Variants in GRB10 observed in about 807,000 individuals in gnomAD.
The protein encoded by GRB10 is growth factor receptor bound protein 10.
Under a neutral mutation model 80.9 loss-of-function variants are expected in GRB10, and 20 were observed. The observed-to-expected ratio is 0.25, with a 90% CI of 0.17 to 0.36. The LOEUF (loss-of-function observed/expected upper bound fraction) is 0.36. Among genes scored for constraint, GRB10 ranks in the 10% least tolerant of loss-of-function variants. GRB10 has a pLI of 1.00. For missense variants in GRB10, 548 were observed against 747.7 expected, an observed-to-expected ratio of 0.73 and a Z score of 3.12; for synonymous variants, 291 against 291.5, an observed-to-expected ratio of 1.00 and a Z score of 0.02.
intron 4 of GRB10, among the ~76,000 whole-genome samples, chr7:50,729,563 C>T (rs2069266776): frequency 6.6e-6 from 1 of 152,120 alleles, no homozygotes; most frequent in South Asian, 2.1e-4. Flanking sequence ...GTGCAGGGCC[C>T]AGAGGGAGCT....
chr7:50,632,717 G>C (rs553513967), intron 7 of GRB10, among the ~76,000 whole-genome samples: 4 of 152,148 alleles, frequency 2.6e-5, no homozygotes, highest in Non-Finnish European at 4.4e-5. Context: ...AGAACCACAG[G>C]GTTGGGGGAG....
chr7:50,651,723 T>C (rs1417258075), intron 7 of GRB10, among the ~76,000 whole-genome samples: 1 of 152,230 alleles, frequency 6.6e-6, no homozygotes, highest in African/African-American at 2.4e-5. Context: ...TTTTACAAGA[T>C]TCTAACCTTG....
chr7:50,765,941 A>G (rs1172278639), intron 2 of GRB10, among the ~76,000 whole-genome samples: 1 of 152,230 alleles, frequency 6.6e-6, no homozygotes, highest in Non-Finnish European at 1.5e-5. Context: ...ATGTACCTTG[A>G]AACTATGTTT....
At chr7:50,622,255 A>G (rs2299150) in intron 8 of GRB10, among the ~76,000 whole-genome samples, 36,857 of 152,148 alleles carry the variant, frequency 0.24, 4,852 homozygotes, top group East Asian at 0.34. Context: ...TGCTTTTCAC[A>G]TACAAAAGGG....
At chr7:50,741,551 TAAAAAA>T (rs752078809) in intron 3 of GRB10, among the ~76,000 whole-genome samples, 4 of 116,930 alleles carry the variant, frequency 3.4e-5, no homozygotes, top group African/African-American at 1.4e-4. Flanking sequence ...AACATGTGTT[TAAAAAA>T]AAAAAAAAAA....
chr7:50,687,144 G>A (rs931544793), intron 5 of GRB10, among the ~76,000 whole-genome samples: 2 of 152,186 alleles, frequency 1.3e-5, no homozygotes, highest in East Asian at 1.9e-4. Flanking sequence ...CTCTCTGGAG[G>A]CTGCTGTATC....
intron 4 of GRB10, among the ~76,000 whole-genome samples, chr7:50,729,731 G>A (rs1167801119): frequency 3.0e-5 from 4 of 135,280 alleles, no homozygotes; most frequent in South Asian, 2.5e-4. Context: ...AGCCCCCCCC[G>A]AAGACCAAGG....
In GRB10 at chr7:50,614,773, T is replaced by C. The variant is rs1346454553; in HGVS notation, c.1092A>G (p.Ile364Met). 6.2e-7 allele frequency: 1 copy of C among 1,609,192 alleles called. No homozygotes were observed. The highest frequency in any genetic ancestry group is 1.3e-5 in the African/African-American group (1 of 74,818). Residue 364 changes from isoleucine (I) to methionine (M), a missense_variant, in exon 12 of 19, where the codon ATA (isoleucine) becomes ATG (methionine). Around this residue, in one of 4 missense-constraint regions of GRB10, gnomAD observed 270 missense variants for 433.6 expected, o/e 0.62. Coordinates refer to ENST00000401949, the MANE Select transcript of GRB10 (RefSeq NM_001350814.2). Reference sequence around the variant, plus strand: ...TCTGTGGACAGCTCGTGGGTACCTTTATGCAGAGCCCGTGGTCTGTAGGGG... The same window carrying C: ...TCTGTGGACAGCTCGTGGGTACCTTCATGCAGAGCCCGTGGTCTGTAGGGG... ...YNAPTDHGLCIKPNKVRNETK... is the reference protein window; with the variant it reads ...YNAPTDHGLCMKPNKVRNETK...
chr7:50,700,105 C>T (rs1009776481), intron 5 of GRB10, among the ~76,000 whole-genome samples: 1 of 151,970 alleles, frequency 6.6e-6, no homozygotes, highest in Non-Finnish European at 1.5e-5. Context: ...CACCACTGCA[C>T]TCCAGCCTGG....
chr7:50,629,555 G>A (rs933280435), intron 7 of GRB10, among the ~76,000 whole-genome samples: 1 of 152,214 alleles, frequency 6.6e-6, no homozygotes, highest in African/African-American at 2.4e-5. Flanking sequence ...ATCTCACCAG[G>A]GCCCTCCAAC....
chr7:50,642,422 C>T (rs1444129488), intron 7 of GRB10, among the ~76,000 whole-genome samples: 1 of 152,080 alleles, frequency 6.6e-6, no homozygotes, highest in Non-Finnish European at 1.5e-5. Flanking sequence ...CAAACATGCA[C>T]AAACACATAC....
At chr7:50,775,161 C>CAAAAAAAAAAACAAAAAAAAAAAAAAAAA (rs2077462807) in intron 2 of GRB10, among the ~76,000 whole-genome samples, 1 of 31,026 alleles carries the variant, frequency 3.2e-5, no homozygotes, top group Non-Finnish European at 6.5e-5. Flanking sequence ...ATCCTGTCTC[C>CAAAAAAAAAAACAAAAAAAAAAAAAAAAA]AAAAAAAAAA....
intron 1 of GRB10, among the ~76,000 whole-genome samples, chr7:50,789,848 A>G (rs906110533): frequency 1.5e-4 from 23 of 152,242 alleles, no homozygotes; most frequent in African/African-American, 5.5e-4. Flanking sequence ...TGATAACCCC[A>G]GGAAATGGCT....
Position 50,642,016 on chromosome 7 carries a change from G to A in GRB10, c.505-15038C>T, listed in dbSNP as rs1248480614. 2.0e-5 allele frequency among the ~76,000 whole-genome samples: 3 copies of A among 152,206 alleles called. No individual in the cohort carries two copies. The East Asian group carries it at 5.8e-4, about 29-fold the overall frequency. Reference sequence around the variant, plus strand: ...AGAAGGTGAGGAGTTCCGCGGCAGCGACAGAGGCTCTACATAGAGGCTTCA... The same window carrying A: ...AGAAGGTGAGGAGTTCCGCGGCAGCAACAGAGGCTCTACATAGAGGCTTCA... On this transcript the variant is annotated intron_variant, in intron 7 of 18. Transcript: ENST00000401949.
chr7:50,752,422 T>C (rs558672526), intron 3 of GRB10, among the ~76,000 whole-genome samples: 1 of 152,252 alleles, frequency 6.6e-6, no homozygotes, highest in East Asian at 1.9e-4. Flanking sequence ...ACTGTAGAAG[T>C]TTCCTGCCCT....
intron 11 of GRB10, 41 bp downstream of exon 11, chr7:50,616,169 T>C: frequency 6.2e-7 from 1 of 1,613,736 alleles, no homozygotes; most frequent in Non-Finnish European, 8.5e-7. Flanking sequence ...GGAGTGACTG[T>C]GGCAGAATTA....
intron 4 of GRB10, among the ~76,000 whole-genome samples, chr7:50,706,669 T>C (rs768831133): frequency 4.6e-5 from 7 of 152,244 alleles, no homozygotes; most frequent in Non-Finnish European, 8.8e-5. Flanking sequence ...CATAAGCGAA[T>C]TAGACCTTTA....
At chr7:50,646,191 C>T (rs140437224) in intron 7 of GRB10, among the ~76,000 whole-genome samples, 89 of 152,332 alleles carry the variant, frequency 5.8e-4, no homozygotes, top group African/African-American at 2.1e-3. Flanking sequence ...ATAAACATCT[C>T]AGTAGCGTCT....
At chr7:50,680,658 G>A (rs1280506219) in intron 5 of GRB10, among the ~76,000 whole-genome samples, 1 of 152,002 alleles carries the variant, frequency 6.6e-6, no homozygotes, top group African/African-American at 2.4e-5. Flanking sequence ...ACATAAAATG[G>A]GACAAAAATA....
Sources: allele counts gnomAD v4.1 joint callset (sites outside exome capture counted in the v4.1 genomes callset), GRCh38; gene constraint gnomAD v4.1.1; regional missense constraint gnomAD v4.1.1; transcripts MANE v1.5; gene names NCBI Gene and HGNC (gene_info 2026-07-23, HGNC 2026-07-21).